Variants in PTPRK observed in about 807,000 individuals in gnomAD.
The protein encoded by PTPRK is protein tyrosine phosphatase receptor type K.
PTPRK carries 75 observed loss-of-function variants against 178.0 expected under a neutral mutation model. The ratio of observed to expected loss-of-function variants is 0.42; its 90% confidence interval spans 0.35 to 0.51. The LOEUF (loss-of-function observed/expected upper bound fraction) is 0.51. PTPRK is among the 20% of genes least tolerant of loss of function. PTPRK has a pLI of 0.02. For synonymous variants in PTPRK, 637 were observed against 620.6 expected (o/e 1.03, Z -0.39); for missense variants, 1,441 against 1,797.8 (o/e 0.80, Z 3.59).
chr6:128,130,576 T>A (rs572431540), intron 7 of PTPRK, among the ~76,000 whole-genome samples: 1 of 152,326 alleles, frequency 6.6e-6, no homozygotes, highest in South Asian at 2.1e-4. Flanking sequence ...ATAGTCATTA[T>A]CGAGTGAAAG....
At chr6:127,982,698 A>C in intron 24 of PTPRK, 133 bp downstream of exon 24, 2 of 663,114 alleles carry the variant, frequency 3.0e-6, no homozygotes, top group Non-Finnish European at 4.9e-6. Context: ...TGTATAATGA[A>C]AGAGATACGT....
At chr6:128,454,512 C>G (rs1848165340) in intron 1 of PTPRK, among the ~76,000 whole-genome samples, 1 of 152,122 alleles carries the variant, frequency 6.6e-6, no homozygotes, top group Admixed American at 6.6e-5. Flanking sequence ...ATATGATTTA[C>G]ATGCCATAAA....
intron 14 of PTPRK, among the ~76,000 whole-genome samples, chr6:128,006,714 A>C (rs898000692): frequency 1.1e-4 from 16 of 151,054 alleles, no homozygotes; most frequent in African/African-American, 3.6e-4. Flanking sequence ...CATGCTGTGC[A>C]TGTAAAATAT....
chr6:128,479,977 G>A lies in PTPRK; in HGVS notation c.100+40282C>T, dbSNP rs1212148814. 2.6e-5 allele frequency among the ~76,000 whole-genome samples: 4 copies of A among 152,084 alleles called. No homozygotes were observed. The East Asian group carries it at 7.7e-4, about 29-fold the overall frequency. On this transcript the variant is annotated intron_variant, in intron 1 of 29. Coordinates refer to ENST00000368226, the MANE Select transcript of PTPRK (RefSeq NM_002844.4). ...TAACCAAACTCAGTGGTGGCTTTCT[G>A]AACCTCTCAGATTCCCTTTGCCTTT...
Position 128,067,624 on chromosome 6 carries a change from C to T in PTPRK, c.2052G>A (p.Pro684=), listed in dbSNP as rs146089088. The T allele has an allele frequency of 1.3e-4, 209 of 1,613,350 alleles. No homozygotes were observed. The African/African-American group carries it at 1.8e-3, about 14-fold the overall frequency. Residue 684 remains proline, a synonymous_variant, in exon 12 of 30, where the codon CCG becomes CCA. Coordinates refer to ENST00000368226, the MANE Select transcript of PTPRK (RefSeq NM_002844.4). ...LPPGNLPEPA[P]FTVGDNRTYQ... ...AGGTCCGATTGTCACCCACAGTGAACGGGGCAGGCTCAGGTAGGTTTCCCG... is the reference window on the plus strand; with the variant it reads ...AGGTCCGATTGTCACCCACAGTGAATGGGGCAGGCTCAGGTAGGTTTCCCG...
At chr6:128,064,908 A>G in intron 12 of PTPRK, 114 bp from the exon 13 acceptor site, 1 of 1,192,376 alleles carries the variant, frequency 8.4e-7, no homozygotes, top group Non-Finnish European at 1.1e-6. Context: ...GATTATAAAC[A>G]ACAGAATTTT....
intron 14 of PTPRK, among the ~76,000 whole-genome samples, chr6:128,006,458 C>A (rs1583611415): frequency 6.6e-6 from 1 of 150,634 alleles, no homozygotes; most frequent in African/African-American, 2.4e-5. Flanking sequence ...TCTTTAGATA[C>A]AAAACATAAA....
chr6:127,977,118 C>T (rs1774694048), intron 25 of PTPRK, 64 bp from the exon 26 acceptor site: 2 of 1,509,246 alleles, frequency 1.3e-6, no homozygotes, highest in African/African-American at 1.4e-5. Context: ...GTTGTACAAA[C>T]AGATACAATA....
At chr6:128,353,514 T>A (rs1443521286) in intron 2 of PTPRK, among the ~76,000 whole-genome samples, 4 of 152,200 alleles carry the variant, frequency 2.6e-5, no homozygotes, top group Non-Finnish European at 5.9e-5. Context: ...TGGAATACTA[T>A]TCAGCAGAAT....
chr6:128,006,404 T>A (rs1778416742), intron 14 of PTPRK, among the ~76,000 whole-genome samples: 2 of 150,996 alleles, frequency 1.3e-5, no homozygotes, highest in African/African-American at 4.8e-5. Context: ...ATATGACAGA[T>A]GGAACAGCTG....
intron 13 of PTPRK, among the ~76,000 whole-genome samples, chr6:128,059,217 A>G (rs1780415217): frequency 6.6e-6 from 1 of 152,096 alleles, no homozygotes. Context: ...AAATCTACAC[A>G]TTAATGTAGG....
At position 127,985,773 on chromosome 6, in the gene PTPRK, G is replaced by A; in HGVS notation, c.3199C>T (p.Arg1067Ter). Residue 1067 changes from arginine (R) to a stop codon, truncating the protein, a stop_gained, in exon 22 of 30, where the codon CGA becomes TGA. Coordinates refer to ENST00000368226, the MANE Select transcript of PTPRK (RefSeq NM_002844.4). LOFTEE classifies it high-confidence loss of function. Reference protein sequence around the residue: ...HATGLLSFIRRVKLSNPPSAG... With the variant: ...HATGLLSFIR ...CTGGGAGGGTTTGATAACTTGACTC[G>A]CCGGATAAAGGAAAGCAGCCCTGTA... 5 of 1,613,794 alleles carry A rather than the reference G, an allele frequency of 3.1e-6. No individual in the cohort carries two copies. Among genetic ancestry groups the A allele is most frequent in the Non-Finnish European group, 4.2e-6 (5 of 1,179,816 alleles).
intron 13 of PTPRK, among the ~76,000 whole-genome samples, chr6:128,035,291 G>C (rs1776025507): frequency 6.6e-6 from 1 of 152,118 alleles, no homozygotes; most frequent in Non-Finnish European, 1.5e-5. Context: ...GCTTGAAACT[G>C]GGAGGCAGAG....
At chr6:128,298,990 TCTC>T (rs1315873149) in intron 3 of PTPRK, among the ~76,000 whole-genome samples, 1 of 152,090 alleles carries the variant, frequency 6.6e-6, no homozygotes, top group African/African-American at 2.4e-5. Flanking sequence ...CAGCCCAAAA[TCTC>T]CTCAAGCTGA....
intron 2 of PTPRK, among the ~76,000 whole-genome samples, chr6:128,343,228 C>G (rs1022261692): frequency 6.6e-6 from 1 of 151,912 alleles, no homozygotes; most frequent in Non-Finnish European, 1.5e-5. Flanking sequence ...ATCAGCCGGG[C>G]GCAGTGGCTC....
At chr6:128,298,949 A>C (rs919830872) in intron 3 of PTPRK, among the ~76,000 whole-genome samples, 11 of 152,230 alleles carry the variant, frequency 7.2e-5, no homozygotes, top group African/African-American at 2.4e-4. Flanking sequence ...TGCAGACGAC[A>C]TGATTGTATA....
intron 7 of PTPRK, among the ~76,000 whole-genome samples, chr6:128,141,002 T>C (rs1029821200): frequency 4.6e-5 from 7 of 151,942 alleles, no homozygotes; most frequent in African/African-American, 1.7e-4. Flanking sequence ...TCTTTTCTTC[T>C]AGTAAACCTA....
chr6:128,033,218 G>C (rs899346899), intron 13 of PTPRK, among the ~76,000 whole-genome samples: 1 of 152,156 alleles, frequency 6.6e-6, no homozygotes, highest in Non-Finnish European at 1.5e-5. Context: ...TTGGGGCCTG[G>C]CACAAACGAC....
intron 7 of PTPRK, among the ~76,000 whole-genome samples, chr6:128,168,491 C>G (rs1480047822): frequency 2.0e-5 from 3 of 152,048 alleles, no homozygotes; most frequent in Non-Finnish European, 2.9e-5. Context: ...TACTGGTCCA[C>G]AGCCTGTTAG....
Sources: allele counts gnomAD v4.1 joint callset (sites outside exome capture counted in the v4.1 genomes callset), GRCh38; gene constraint gnomAD v4.1.1; transcripts MANE v1.5; gene names NCBI Gene and HGNC (gene_info 2026-07-23, HGNC 2026-07-21).